The following DIAPH1 variants were observed in gnomAD, a reference collection of about 807,000 sequenced individuals.
The protein encoded by DIAPH1 is diaphanous related formin 1, also known as protein diaphanous homolog 1.
Under a neutral mutation model 140.7 loss-of-function variants are expected in DIAPH1, and 46 were observed. The observed-to-expected ratio is 0.33, with a 90% CI of 0.26 to 0.42. DIAPH1 has a LOEUF of 0.42. Ranked by LOEUF, DIAPH1 falls within the 10% of genes least tolerant of loss-of-function variation. DIAPH1 has a pLI of 1.00. For missense variants in DIAPH1, 1,310 were observed against 1,558.7 expected (o/e 0.84, Z 2.69); for synonymous variants, 565 against 551.6 (o/e 1.02, Z -0.34).
intron 1 of DIAPH1, among the ~76,000 whole-genome samples, chr5:141,597,193 T>C (rs139331379): frequency 3.0e-4 from 45 of 152,164 alleles, no homozygotes; most frequent in African/African-American, 1.0e-3. Context: ...AGGACAAAAA[T>C]AGATTATTCA....
chr5:141,531,299 TTCTCTCTCTC>T lies in DIAPH1; in HGVS notation c.2582-1612_2582-1603del, dbSNP rs543349611. On this transcript the variant is annotated intron_variant, in intron 19 of 27. Transcript: ENST00000389054. ...ATCACTAAATTCCATTAATTTTACC[TTCTCTCTCTC>T]TCTCTCTTTTTTTTTTTTGAGACAG... 2.6e-5 allele frequency among the ~76,000 whole-genome samples: 4 copies of T among 151,274 alleles called. No individual in the cohort carries two copies. The East Asian group carries it at 7.8e-4, about 29-fold the overall frequency.
rs113235750 is a variant in DIAPH1, at chr5:141,526,704, G to GTTTTT, written c.3274-244_3274-243insAAAAA. Among the ~76,000 whole-genome samples the GTTTTT allele has an allele frequency of 0.12, 17,534 of 152,062 alleles. 1,108 individuals carry two copies. Among genetic ancestry groups the GTTTTT allele is most frequent in the South Asian group, 0.18 (860 of 4,788 alleles). The stretch of plus-strand genomic sequence containing the variant: ...AACTGTTGTTTGTTTGTTTGTTTGT[G>GTTTTT]TTTGTTTGTTTGAGACAGGGTTTTG... On this transcript the variant is annotated intron_variant, in intron 24 of 27. Transcript: ENST00000389054.
At chr5:141,618,374 G>A (rs1472457955) in intron 1 of DIAPH1, 1 of 156,202 alleles carries the variant, frequency 6.4e-6, no homozygotes, top group African/African-American at 2.4e-5. Context: ...TGACCTTTAG[G>A]AGAAGGAAAT....
At chr5:141,530,006 C>G (rs1246399367) in intron 19 of DIAPH1, among the ~76,000 whole-genome samples, 1 of 152,122 alleles carries the variant, frequency 6.6e-6, no homozygotes, top group Non-Finnish European at 1.5e-5. Flanking sequence ...ATCACCTGAG[C>G]CCAGGAGGTC....
At chr5:141,557,138 A>G (rs1351591811) in intron 18 of DIAPH1, among the ~76,000 whole-genome samples, 1 of 152,274 alleles carries the variant, frequency 6.6e-6, no homozygotes, top group African/African-American at 2.4e-5. Flanking sequence ...CTATTAAAAA[A>G]AACAACTATC....
chr5:141,557,480 T>A lies in DIAPH1; in HGVS notation c.2482+13948A>T, dbSNP rs542522260. Among the ~76,000 whole-genome samples, 282 of 152,292 alleles carry A rather than the reference T, an allele frequency of 1.9e-3. 2 individuals carry two copies. The highest frequency in any genetic ancestry group is 3.2e-3 in the Non-Finnish European group (217 of 68,020). The stretch of plus-strand genomic sequence containing the variant: ...TCACGGTTTCAAAAATAACATTTTT[T>A]AAAAAAATTCAGGACCATTTCCCTA... On this transcript the variant is annotated intron_variant, in intron 18 of 27. Coordinates refer to ENST00000389054, the MANE Select transcript of DIAPH1 (RefSeq NM_005219.5).
chr5:141,531,570 C>T (rs945197145), intron 19 of DIAPH1, among the ~76,000 whole-genome samples: 2 of 152,186 alleles, frequency 1.3e-5, no homozygotes, highest in African/African-American at 4.8e-5. Flanking sequence ...TCACTGCAAC[C>T]TCCGCTTCCC....
rs1211997429 is a variant in DIAPH1, at chr5:141,576,822, G to A, written c.1330C>T (p.His444Tyr). Reference protein sequence around the residue: ...IEECISQIVLHKNGADPDFKC... With the variant: ...IEECISQIVLYKNGADPDFKC... ...AAGTCAGGATCAGCCCCGTTCTTGTGCAGAACTATCTGGGAAATACATTCT... is the reference window on the plus strand; with the variant it reads ...AAGTCAGGATCAGCCCCGTTCTTGTACAGAACTATCTGGGAAATACATTCT... The change falls in exon 13 of 28, where the codon CAC (histidine) becomes TAC (tyrosine). Residue 444 changes from histidine (H) to tyrosine (Y), a missense_variant. Physicochemically the swap from His to Tyr is moderately conservative, Grantham distance 83. This residue lies in a region of DIAPH1 where 589 missense variants were observed against 549.3 expected (regional missense o/e 1.07). Coordinates refer to ENST00000389054, the MANE Select transcript of DIAPH1 (RefSeq NM_005219.5). 6.2e-7 allele frequency: 1 copy of A among 1,613,954 alleles called. No individual in the cohort carries two copies.
Position 141,583,518 on chromosome 5 carries a change from G to A in DIAPH1, c.500C>T (p.Ser167Phe). 1 of 1,614,086 alleles carries A rather than the reference G, an allele frequency of 6.2e-7. No individual in the cohort carries two copies. The highest frequency in any genetic ancestry group is 8.5e-7 in the Non-Finnish European group (1 of 1,180,024). The change falls in exon 5 of 28, where the codon TCC becomes TTC. Residue 167 changes from serine to phenylalanine, a missense_variant. By Grantham distance (155) the Ser-to-Phe change is radical. This residue lies in a region of DIAPH1 where 377 missense variants were observed against 497.1 expected (regional missense o/e 0.76). Coordinates refer to ENST00000389054, the MANE Select transcript of DIAPH1 (RefSeq NM_005219.5). ...RDMPLLSCLE[S>F]LRVSLNNNPV... ...GTTGTTGTTGAGAGACACACGAAGG[G>A]ACTCCAGGCAGCTGAGCAGAGGCAT...
intron 1 of DIAPH1, among the ~76,000 whole-genome samples, chr5:141,616,047 G>A (rs2099902633): frequency 6.6e-6 from 1 of 152,216 alleles, no homozygotes; most frequent in Admixed American, 6.5e-5. Flanking sequence ...TGCCGGAGAA[G>A]GGGTATGCTC....
At chr5:141,617,513 G>A (rs1429228755) in intron 1 of DIAPH1, among the ~76,000 whole-genome samples, 2 of 152,076 alleles carry the variant, frequency 1.3e-5, no homozygotes, top group Admixed American at 1.3e-4. Context: ...TGTTTCCATC[G>A]CTTTATCAGT....
chr5:141,612,182 A>G (rs925915672), intron 1 of DIAPH1, among the ~76,000 whole-genome samples: 8 of 152,246 alleles, frequency 5.3e-5, no homozygotes, highest in African/African-American at 1.7e-4. Flanking sequence ...GGAAATTGGA[A>G]CTTTTACACA....
chr5:141,548,433 T>C (rs1179190243), intron 18 of DIAPH1, among the ~76,000 whole-genome samples: 2 of 152,104 alleles, frequency 1.3e-5, no homozygotes, highest in Non-Finnish European at 2.9e-5. Context: ...CCGAAGGAAA[T>C]ACAAAAATGT....
At chr5:141,517,254 C>T (rs1490464126) in intron 27 of DIAPH1, among the ~76,000 whole-genome samples, 1 of 152,180 alleles carries the variant, frequency 6.6e-6, no homozygotes, top group Non-Finnish European at 1.5e-5. Context: ...TGTGTGAAAA[C>T]AGCACAAAAG....
At chr5:141,524,857 G>C (rs1304484345) in intron 26 of DIAPH1, 2 of 156,592 alleles carry the variant, frequency 1.3e-5, no homozygotes, top group Non-Finnish European at 2.8e-5. Flanking sequence ...AAGTCCATAG[G>C]CTGCCAGATC....
At chr5:141,557,061 G>A (rs184955207) in intron 18 of DIAPH1, among the ~76,000 whole-genome samples, 79 of 152,248 alleles carry the variant, frequency 5.2e-4, no homozygotes, top group Admixed American at 2.5e-3. Context: ...AAGAGCATAA[G>A]AGAGAACCTA....
At chr5:141,576,934 A>G in intron 12 of DIAPH1, 63 bp from the exon 13 acceptor site, 1 of 1,073,326 alleles carries the variant, frequency 9.3e-7, no homozygotes, top group Non-Finnish European at 1.4e-6. Flanking sequence ...AGAAGTATTC[A>G]GGACCAAGAA....
chr5:141,567,783 T>C, intron 18 of DIAPH1, among the ~76,000 whole-genome samples: 1 of 152,232 alleles, frequency 6.6e-6, no homozygotes, highest in Middle Eastern at 3.2e-3. Flanking sequence ...TGCTGAAGCC[T>C]GAAGCAAGAA....
At chr5:141,532,195 C>T (rs536983253) in intron 19 of DIAPH1, among the ~76,000 whole-genome samples, 27 of 151,648 alleles carry the variant, frequency 1.8e-4, no homozygotes, top group Non-Finnish European at 3.1e-4. Flanking sequence ...TTTTTTGAGA[C>T]GGGTCTTACT....
Sources: gnomAD v4.1 joint callset for allele counts (sites outside exome capture counted in the v4.1 genomes callset) on GRCh38, gnomAD v4.1.1 for gene constraint, gnomAD v4.1.1 regional missense constraint, MANE v1.5 for transcripts, NCBI Gene and HGNC (gene_info 2026-07-23, HGNC 2026-07-21) for gene names.